The following TENM2 variants were observed in gnomAD, a reference collection of about 807,000 sequenced individuals.
TENM2 encodes teneurin-2.
TENM2 carries 52 observed loss-of-function variants against 245.2 expected under a neutral mutation model. The observed-to-expected ratio is 0.21, with a 90% CI of 0.17 to 0.27. The LOEUF (loss-of-function observed/expected upper bound fraction) is 0.27. TENM2 is among the 10% of genes least tolerant of loss of function. The probability of loss-of-function intolerance (pLI) is 1.00; values close to 1 mark genes in which losing one functional copy is unlikely to be tolerated. For missense variants in TENM2, 3,046 were observed against 3,666.8 expected, an observed-to-expected ratio of 0.83 and a Z score of 4.37; for synonymous variants, 1,363 against 1,438.9, an observed-to-expected ratio of 0.95 and a Z score of 1.19.
chr5:168,070,793 AAGAGAGAGAG>A (rs201553774), intron 7 of TENM2, among the ~76,000 whole-genome samples: 1 of 89,354 alleles, frequency 1.1e-5, no homozygotes, highest in Non-Finnish European at 2.5e-5. Flanking sequence ...GAAAGAAAGA[AAGAGAGAGAG>A]AGAGAGAGAG....
chr5:167,110,869 A>G, the TENM2 span, among the ~76,000 whole-genome samples: 39 of 152,316 alleles, frequency 2.6e-4, 1 homozygote, highest in South Asian at 7.5e-3. Flanking sequence ...CTCATTTTTC[A>G]GTATTTGAGA....
At chr5:167,112,097 G>A in the TENM2 span, among the ~76,000 whole-genome samples, 2 of 152,220 alleles carry the variant, frequency 1.3e-5, no homozygotes, top group South Asian at 2.1e-4. Flanking sequence ...GAACTTGCAG[G>A]GCAAAGAGGA....
chr5:167,808,628 A>G (rs1221253015), intron 2 of TENM2, among the ~76,000 whole-genome samples: 3 of 152,064 alleles, frequency 2.0e-5, no homozygotes, highest in Non-Finnish European at 4.4e-5. Flanking sequence ...TACTTATACT[A>G]TTACCTTTAT....
intron 5 of TENM2, among the ~76,000 whole-genome samples, chr5:168,011,534 T>A (rs1785220237): frequency 6.6e-6 from 1 of 152,210 alleles, no homozygotes. Flanking sequence ...TATAATTACA[T>A]CTTCAGATAT....
the TENM2 span, among the ~76,000 whole-genome samples, chr5:167,196,558 A>ATG: frequency 6.8e-4 from 101 of 147,844 alleles, 1 homozygote; most frequent in African/African-American, 1.9e-3. Flanking sequence ...GTATATATAT[A>ATG]TGTGTGTGTA....
chr5:168,108,660 G>C (rs753955544), intron 9 of TENM2, among the ~76,000 whole-genome samples: 6 of 152,182 alleles, frequency 3.9e-5, no homozygotes, highest in Non-Finnish European at 7.3e-5. Context: ...CGTCTGCCTG[G>C]TTCTGAAGCT....
chr5:167,752,311 G>T lies in TENM2; in HGVS notation c.503-123675G>T, dbSNP rs187667286. 2.4e-3 allele frequency among the ~76,000 whole-genome samples: 321 copies of T among 135,774 alleles called. 1 individual carries two copies. Among genetic ancestry groups the T allele is most frequent in the Non-Finnish European group, 4.1e-3 (268 of 65,340 alleles). 89.1% of individuals were successfully genotyped at this position (135,774 alleles called of 152,430 possible). A position where few individuals can be genotyped will look rare whatever the true frequency, so the allele number is the denominator to read the frequency against. ...GTATTTTAAGTAGAGATGGGGTTTCGCCATGTTGGCCATGCTGGTCTCAAA... is the reference window on the plus strand; with the variant it reads ...GTATTTTAAGTAGAGATGGGGTTTCTCCATGTTGGCCATGCTGGTCTCAAA... On this transcript the variant is annotated intron_variant, in intron 2 of 28. Coordinates refer to ENST00000518659, the Ensembl canonical transcript of TENM2.
intron 2 of TENM2, among the ~76,000 whole-genome samples, chr5:167,421,979 A>G (rs1028747449): frequency 1.3e-5 from 2 of 152,014 alleles, no homozygotes; most frequent in African/African-American, 4.8e-5. Context: ...TTTAGTAGAG[A>G]CGGAGTTTCA....
chr5:167,048,538 C>T, the TENM2 span, among the ~76,000 whole-genome samples: 2 of 152,118 alleles, frequency 1.3e-5, no homozygotes, highest in Admixed American at 6.5e-5. Flanking sequence ...ATTAAGCAAA[C>T]ACACAGAAAT....
intron 4 of TENM2, among the ~76,000 whole-genome samples, chr5:167,985,301 G>T (rs1680950054): frequency 6.6e-6 from 1 of 151,896 alleles, no homozygotes; most frequent in Admixed American, 6.6e-5. Context: ...GGGATTAATG[G>T]GCTGTGTATC....
chr5:168,193,174 G>C (rs561565844), intron 14 of TENM2, among the ~76,000 whole-genome samples: 1 of 152,200 alleles, frequency 6.6e-6, no homozygotes, highest in Non-Finnish European at 1.5e-5. Flanking sequence ...AGGCTCTCCG[G>C]CTGTCTGCAT....
At chr5:167,963,459 T>C (rs942355818) in intron 4 of TENM2, among the ~76,000 whole-genome samples, 6 of 152,294 alleles carry the variant, frequency 3.9e-5, no homozygotes, top group African/African-American at 9.6e-5. Context: ...AATTGGTCTC[T>C]CTCCAGGAGA....
At chr5:168,000,207 C>A (rs1784329936) in intron 5 of TENM2, among the ~76,000 whole-genome samples, 1 of 152,206 alleles carries the variant, frequency 6.6e-6, no homozygotes, top group East Asian at 1.9e-4. Flanking sequence ...TTAAATTCTC[C>A]ATTTCTGACA....
Position 167,720,295 on chromosome 5 carries a change from A to G in TENM2, c.503-155691A>G, listed in dbSNP as rs111432353. 3.9e-5 allele frequency among the ~76,000 whole-genome samples: 6 copies of G among 152,340 alleles called. No individual in the cohort carries two copies. The South Asian group carries it at 1.0e-3, about 26-fold the overall frequency. ...GTTAAAAATAAACAAACAGTTAAAC[A>G]TAAAACCTAGCCATGCATATGAAAA... is the stretch of plus-strand genomic sequence containing the variant. On this transcript the variant is annotated intron_variant, in intron 2 of 28. Transcript: ENST00000518659.
At chr5:168,111,786 C>A (rs374074923) in intron 9 of TENM2, among the ~76,000 whole-genome samples, 1 of 152,042 alleles carries the variant, frequency 6.6e-6, no homozygotes, top group Non-Finnish European at 1.5e-5. Context: ...TTTTTTTCCC[C>A]GATCAGATAA....
Position 168,119,983 on chromosome 5 carries a change from A to G in TENM2, c.2008+1497A>G, listed in dbSNP as rs140626698. ...ATTCATTCTTTCATCCCAACAACCAATGGATCTCCAGAGTTCTATACAAAA... is the reference window on the plus strand; with the variant it reads ...ATTCATTCTTTCATCCCAACAACCAGTGGATCTCCAGAGTTCTATACAAAA... On this transcript the variant is annotated intron_variant, in intron 10 of 28. Coordinates refer to ENST00000518659, the Ensembl canonical transcript of TENM2. 3.3e-4 allele frequency among the ~76,000 whole-genome samples: 50 copies of G among 152,282 alleles called. No homozygotes were observed. The East Asian group carries it at 8.7e-3, about 26-fold the overall frequency.
chr5:167,031,041 A>G, the TENM2 span, among the ~76,000 whole-genome samples: 1 of 152,198 alleles, frequency 6.6e-6, no homozygotes, highest in African/African-American at 2.4e-5. Context: ...TAGATCTGGA[A>G]TCGAACCTTT....
At position 167,568,659 on chromosome 5, in the gene TENM2, G is replaced by GTGTA. The variant is rs200314938; in HGVS notation, c.502+193189_502+193190insATGT. 5.5e-4 allele frequency among the ~76,000 whole-genome samples: 83 copies of GTGTA among 151,330 alleles called. 1 individual carries two copies. The highest frequency in any genetic ancestry group is 2.9e-3 in the East Asian group (15 of 5,156). ...GGCAGAGACCATGGTGTGTGTGTGT[G>GTGTA]TGTGTGTGTGTGTGTGTGTGTGTAT... On this transcript the variant is annotated intron_variant, in intron 2 of 28. Coordinates refer to ENST00000518659, the Ensembl canonical transcript of TENM2.
intron 2 of TENM2, among the ~76,000 whole-genome samples, chr5:167,632,392 CATATAA>C (rs1199559880): frequency 6.6e-6 from 1 of 152,144 alleles, no homozygotes; most frequent in African/African-American, 2.4e-5. Context: ...TATGTGAATA[CATATAA>C]ATATAATAAA....
Sources: gnomAD v4.1 joint callset for allele counts (sites outside exome capture counted in the v4.1 genomes callset) on GRCh38, gnomAD v4.1.1 for gene constraint, MANE v1.5 for transcripts, NCBI Gene and HGNC (gene_info 2026-07-23, HGNC 2026-07-21) for gene names.